ELP5: variants seen among roughly 807,000 people sequenced by gnomAD.
ELP5 encodes elongator acetyltransferase complex subunit 5.
ELP5 carries 34 observed loss-of-function variants against 33.4 expected under a neutral mutation model. The ratio of observed to expected loss-of-function variants is 1.02; its 90% CI spans 0.78 to 1.36. ELP5 has a LOEUF of 1.36. Ranked by LOEUF, ELP5 falls within the 40% of genes most tolerant of loss-of-function variation. The pLI is 0.00. For missense variants in ELP5, 373 were observed against 371.7 expected (o/e 1.00, Z -0.03); for synonymous variants, 161 against 146.4 (o/e 1.10, Z -0.72).
chr17:7,255,823 A>G (rs2072063501), intron 4 of ELP5, among the ~76,000 whole-genome samples: 1 of 152,120 alleles, frequency 6.6e-6, no homozygotes, highest in Non-Finnish European at 1.5e-5. Flanking sequence ...GCACTTGGGG[A>G]GGCCAAGGCG....
intron 5 of ELP5, among the ~76,000 whole-genome samples, chr17:7,257,431 GTTTT>G (rs5819151): frequency 7.2e-6 from 1 of 139,128 alleles, no homozygotes; most frequent in Non-Finnish European, 1.6e-5. Flanking sequence ...TTCCCTTGGA[GTTTT>G]TTTTTTTTTT....
At chr17:7,257,860 G>A (rs2072111980) in intron 5 of ELP5, among the ~76,000 whole-genome samples, 1 of 152,072 alleles carries the variant, frequency 6.6e-6, no homozygotes, top group Non-Finnish European at 1.5e-5. Flanking sequence ...GTGAGGTCAG[G>A]AGTTCGAGAC....
chr17:7,259,321 A>G, intron 7 of ELP5: 1 of 1,395,896 alleles, frequency 7.2e-7, no homozygotes, highest in Non-Finnish European at 9.3e-7. Context: ...GGATGACGCA[A>G]GACTACAAGA....
Position 7,252,949 on chromosome 17 carries a change from G to A in ELP5, c.139G>A (p.Val47Met), listed in dbSNP as rs1376120390. ...GCAAGTGCATATCCTGGGCTGTGAAGTGAGCGAGGAAGAGTTTCGTGAAGG... is the reference window on the plus strand; with the variant it reads ...GCAAGTGCATATCCTGGGCTGTGAAATGAGCGAGGAAGAGTTTCGTGAAGG... ...GEQVHILGCEVSEEEFREGFD... is the reference protein window; with the variant it reads ...GEQVHILGCEMSEEEFREGFD... The change falls in exon 3 of 8, where the codon GTG (valine) becomes ATG (methionine). Residue 47 changes from valine (V) to methionine (M), a missense_variant. Val to Met is a conservative substitution (Grantham distance 21). Coordinates refer to ENST00000396628, the MANE Select transcript of ELP5 (RefSeq NM_203414.3). 3 of 1,614,222 alleles carry A rather than the reference G, an allele frequency of 1.9e-6. No individual in the cohort carries two copies. Among genetic ancestry groups the A allele is most frequent in the Non-Finnish European group, 2.5e-6 (3 of 1,180,038 alleles).
chr17:7,253,713 T>C (rs1463231081), intron 3 of ELP5, among the ~76,000 whole-genome samples: 1 of 152,224 alleles, frequency 6.6e-6, no homozygotes, highest in African/African-American at 2.4e-5. Flanking sequence ...TGGCATTCCA[T>C]GGCTGGGCGC....
rs906215714 is a variant in ELP5, at chr17:7,259,172, C to T, written c.788+246C>T. 4.3e-6 allele frequency: 6 copies of T among 1,404,372 alleles called. No individual in the cohort carries two copies. The African/African-American group carries it at 7.2e-5, about 17-fold the overall frequency. 87.0% of individuals were successfully genotyped at this position (1,404,372 alleles called of 1,614,324 possible). A position where few individuals can be genotyped will look rare whatever the true frequency, so the allele number is the denominator to read the frequency against. On this transcript the variant is annotated intron_variant, in intron 7 of 7. Coordinates refer to ENST00000396628, the MANE Select transcript of ELP5 (RefSeq NM_203414.3). ...GTCCCCAGAGCACCCTGGGCCTGGG[C>T]TGAGCCAGACCAGACCCTTGGGAGG...
rs1456212969 is a variant in ELP5, at chr17:7,252,820, T to C, written c.97T>C (p.Ser33Pro). The change falls in exon 2 of 8, where the codon TCT (serine) becomes CCT (proline). Residue 33 changes from serine (S) to proline (P), a missense_variant. Transcript: ENST00000396628. ...TCTCTTGAAGGCGCTTGTCAAGAAA[T>C]CTGCACTGTGGTGAGTATCCCACAG... Reference protein sequence around the residue: ...RSLLKALVKKSALCGEQVHIL... With the variant: ...RSLLKALVKKPALCGEQVHIL... 2.5e-6 allele frequency: 4 copies of C among 1,614,180 alleles called. No homozygotes were observed. The highest frequency in any genetic ancestry group is 3.4e-6 in the Non-Finnish European group (4 of 1,180,004).
At chr17:7,255,188 G>C (rs1468253201) in intron 4 of ELP5, among the ~76,000 whole-genome samples, 2 of 152,052 alleles carry the variant, frequency 1.3e-5, no homozygotes, top group Non-Finnish European at 2.9e-5. Context: ...AAGATGGTCT[G>C]ATAAAGGCCA....
At chr17:7,252,183 C>T, upstream of ELP5, 1 of 378,584 alleles carries the variant, frequency 2.6e-6, no homozygotes, top group Non-Finnish European at 5.0e-6. Context: ...GCAGGCCCCG[C>T]CTCAAACTGC....
intron 5 of ELP5, among the ~76,000 whole-genome samples, chr17:7,258,091 C>T (rs1233699809): frequency 6.6e-6 from 1 of 151,528 alleles, no homozygotes; most frequent in Non-Finnish European, 1.5e-5. Context: ...GTGGGCTGCT[C>T]TGCCTAAGGA....
chr17:7,259,567 TCAGA>T lies in ELP5; in HGVS notation c.789_792del (p.Lys263AsnfsTer46). On this transcript the variant is annotated splice_acceptor_variant and splice_polypyrimidine_tract_variant and coding_sequence_variant and intron_variant, in exon 8 of 8. Transcript: ENST00000396628. LOFTEE classifies it high-confidence loss of function. ...CTCACCAGCACCAAATCTTCCCTTCTCAGACAGCAGGCTCTCCTGCGGCCTAGGC... is the reference window on the plus strand; with the variant it reads ...CTCACCAGCACCAAATCTTCCCTTCTCAGCAGGCTCTCCTGCGGCCTAGGC... 1.3e-5 allele frequency: 21 copies of T among 1,614,172 alleles called. No homozygotes were observed. Among genetic ancestry groups the T allele is most frequent in the Admixed American group, 3.3e-5 (2 of 60,012 alleles).
intron 4 of ELP5, 163 bp downstream of exon 4, chr17:7,254,966 A>G: frequency 1.7e-6 from 1 of 588,706 alleles, no homozygotes; most frequent in Non-Finnish European, 2.9e-6. Flanking sequence ...CTTCTCCTTA[A>G]TGCCATCTAC....
Position 7,254,616 on chromosome 17 carries a change from C to T in ELP5, c.222C>T (p.Leu74=), listed in dbSNP as rs1447634896. Reference sequence around the variant, plus strand: ...ACCATGACTTCTTCAGAGACCCTCTCAACTGGTCAAAAACTGAGGAGGCCT... The same window carrying T: ...ACCATGACTTCTTCAGAGACCCTCTTAACTGGTCAAAAACTGAGGAGGCCT... ...LVYHDFFRDP[L]NWSKTEEAFP... is the part of the protein sequence containing the mutation. Residue 74 remains leucine (L), a synonymous_variant, in exon 4 of 8, where the codon CTC becomes CTT. Transcript: ENST00000396628. 1.2e-6 allele frequency: 2 copies of T among 1,613,982 alleles called. No individual in the cohort carries two copies. The highest frequency in any genetic ancestry group is 2.2e-5 in the South Asian group (2 of 91,040).
chr17:7,254,813 C>T lies in ELP5; in HGVS notation c.409+10C>T. Reference sequence around the variant, plus strand: ...CAGGACTCTTGTCCTGGTGAGACCCCTCCTTCATTGTTTCCCCTCATACAT... The same window carrying T: ...CAGGACTCTTGTCCTGGTGAGACCCTTCCTTCATTGTTTCCCCTCATACAT... On this transcript the variant is annotated intron_variant, in intron 4 of 7. Coordinates refer to ENST00000396628, the MANE Select transcript of ELP5 (RefSeq NM_203414.3). The T allele has an allele frequency of 1.9e-6, 3 of 1,610,646 alleles. No homozygotes were observed. Among genetic ancestry groups the T allele is most frequent in the Non-Finnish European group, 2.5e-6 (3 of 1,176,824 alleles).
At chr17:7,253,100 T>A in intron 3 of ELP5, 102 bp downstream of exon 3, 2 of 1,109,746 alleles carry the variant, frequency 1.8e-6, no homozygotes, top group Non-Finnish European at 2.7e-6. Flanking sequence ...AGCAGTTCCT[T>A]AAATATTCAT....
chr17:7,259,219 G>T (rs1200521864), intron 7 of ELP5: 2 of 1,381,462 alleles, frequency 1.4e-6, no homozygotes, highest in East Asian at 5.6e-5. Flanking sequence ...CTAGGCAGTG[G>T]TGCTAGGAGG....
In ELP5 at chr17:7,258,868, A is replaced by C. The variant is rs766078927; in HGVS notation, c.730A>C (p.Lys244Gln). 6.2e-7 allele frequency: 1 copy of C among 1,614,042 alleles called. No individual in the cohort carries two copies. Reference sequence around the variant, plus strand: ...TTTGACCTTTAACCTTCACCTGTCCAAGAAAGAGAGAGAAGCCAGAGATAG... The same window carrying C: ...TTTGACCTTTAACCTTCACCTGTCCCAGAAAGAGAGAGAAGCCAGAGATAG... ...THLTFNLHLS[K>Q]KEREARDSLI... Residue 244 changes from lysine to glutamine, a missense_variant, in exon 7 of 8, where the codon AAG (lysine) becomes CAG (glutamine). By Grantham distance (53) the Lys-to-Gln change is moderately conservative (BLOSUM62 1). Coordinates refer to ENST00000396628, the MANE Select transcript of ELP5 (RefSeq NM_203414.3).
At chr17:7,258,373 T>C (rs1449979247) in intron 5 of ELP5, among the ~76,000 whole-genome samples, 1 of 149,174 alleles carries the variant, frequency 6.7e-6, no homozygotes, top group East Asian at 2.0e-4. Context: ...CACTTGAACC[T>C]GGGAGGCGGA....
At chr17:7,254,516 G>C (rs924856784) in intron 3 of ELP5, 67 bp from the exon 4 acceptor site, 2 of 1,162,940 alleles carry the variant, frequency 1.7e-6, no homozygotes, top group Admixed American at 2.3e-5. Flanking sequence ...AAAGATCAGA[G>C]GATGAACTTT....
Sources: allele counts gnomAD v4.1 joint callset (sites outside exome capture counted in the v4.1 genomes callset), GRCh38; gene constraint gnomAD v4.1.1; transcripts MANE v1.5; gene names NCBI Gene and HGNC (gene_info 2026-07-23, HGNC 2026-07-21).